Variants in ZDHHC2 observed in about 807,000 individuals in gnomAD.
The protein encoded by ZDHHC2 is zDHHC palmitoyltransferase 2, also known as palmitoyltransferase ZDHHC2.
In ZDHHC2, 51 loss-of-function variants were observed where a neutral mutation model predicts 55.6. The ratio of observed to expected loss-of-function variants is 0.92; its 90% CI spans 0.73 to 1.16. The LOEUF is 1.16. Among genes scored for constraint, ZDHHC2 ranks in the 50% most tolerant of loss-of-function variants. The pLI, the probability that ZDHHC2 is intolerant of heterozygous loss-of-function variation, is 0.00. For missense variants in ZDHHC2, 491 were observed against 442.4 expected (o/e 1.11, Z -0.99); for synonymous variants, 199 against 152.9 (o/e 1.30, Z -2.22).
At chr8:17,184,650 A>T (rs531720542) in intron 1 of ZDHHC2, 139 bp from the exon 2 acceptor site, 1 of 733,846 alleles carries the variant, frequency 1.4e-6, no homozygotes, top group Non-Finnish European at 2.2e-6. Flanking sequence ...CTCTCCTCCA[A>T]ATAAAGTTGA....
chr8:17,157,735 A>G (rs898019876), intron 1 of ZDHHC2, among the ~76,000 whole-genome samples: 1 of 152,250 alleles, frequency 6.6e-6, no homozygotes, highest in South Asian at 2.1e-4. Flanking sequence ...GTTAAAACAG[A>G]AAATGACCTT....
intron 7 of ZDHHC2, among the ~76,000 whole-genome samples, chr8:17,207,516 T>C (rs922003945): frequency 6.6e-6 from 1 of 152,200 alleles, no homozygotes; most frequent in South Asian, 2.1e-4. Flanking sequence ...AAAACATCAA[T>C]AAGGATAGTA....
intron 1 of ZDHHC2, among the ~76,000 whole-genome samples, chr8:17,160,962 G>A (rs1485561417): frequency 6.6e-6 from 1 of 152,198 alleles, no homozygotes; most frequent in South Asian, 2.1e-4. Flanking sequence ...GGTTTTACTC[G>A]CAGTTTTGCT....
chr8:17,199,390 GC>G (rs201667200), intron 6 of ZDHHC2, among the ~76,000 whole-genome samples: 1 of 145,618 alleles, frequency 6.9e-6, no homozygotes, highest in Non-Finnish European at 1.5e-5. Context: ...TCATTCTTTT[GC>G]CCCCCTGCCC....
At chr8:17,190,513 C>T (rs1805963199) in intron 3 of ZDHHC2, among the ~76,000 whole-genome samples, 1 of 152,040 alleles carries the variant, frequency 6.6e-6, no homozygotes, top group South Asian at 2.1e-4. Context: ...GAACTGAAAA[C>T]ATGTGAATTA....
chr8:17,190,951 CTTTTTTTTTTTTT>C (rs10601402), intron 3 of ZDHHC2, among the ~76,000 whole-genome samples: 1 of 52,776 alleles, frequency 1.9e-5, no homozygotes, highest in East Asian at 5.3e-4. Flanking sequence ...CTTATTCATT[CTTTTTTTTTTTTT>C]TTTTTTTTTT....
rs185684201 is a variant in ZDHHC2 at position 17,205,481 on chromosome 8, T to G, written c.477-174T>G. 2.6e-5 allele frequency among the ~76,000 whole-genome samples: 4 copies of G among 152,334 alleles called. No individual in the cohort carries two copies. The East Asian group carries it at 7.7e-4, about 29-fold the overall frequency. ...ATCATGTTTTAAAAATAGAAGCAGA[T>G]TTTTTAGTGAAATGGATTTTTACAT... On this transcript the variant is annotated intron_variant, in intron 6 of 12. Transcript: ENST00000262096.
intron 1 of ZDHHC2, among the ~76,000 whole-genome samples, chr8:17,168,240 G>A (rs927438637): frequency 3.3e-5 from 5 of 152,158 alleles, no homozygotes; most frequent in Non-Finnish European, 7.4e-5. Flanking sequence ...GAGAATCTGG[G>A]GAAACTTGTG....
At chr8:17,210,924 C>T (rs1463896554) in intron 10 of ZDHHC2, among the ~76,000 whole-genome samples, 1 of 152,104 alleles carries the variant, frequency 6.6e-6, no homozygotes, top group Non-Finnish European at 1.5e-5. Context: ...TTCTTGACAA[C>T]TCCATTTTAA....
chr8:17,161,780 A>C (rs1052320312), intron 1 of ZDHHC2, among the ~76,000 whole-genome samples: 13 of 152,144 alleles, frequency 8.5e-5, no homozygotes, highest in African/African-American at 3.1e-4. Context: ...AAATTGCCTG[A>C]ACCGGGGAGG....
intron 1 of ZDHHC2, among the ~76,000 whole-genome samples, chr8:17,184,283 C>G (rs1805591752): frequency 6.6e-6 from 1 of 152,116 alleles, no homozygotes; most frequent in Non-Finnish European, 1.5e-5. Flanking sequence ...CGTTGTGCAA[C>G]AGGGAGCAAG....
chr8:17,193,339 A>G (rs1164267956), intron 3 of ZDHHC2, among the ~76,000 whole-genome samples: 1 of 152,198 alleles, frequency 6.6e-6, no homozygotes, highest in Admixed American at 6.5e-5. Context: ...TCTCTGGATT[A>G]CCAGGCAGCG....
At chr8:17,194,089 A>G (rs1806181981) in intron 3 of ZDHHC2, among the ~76,000 whole-genome samples, 1 of 152,168 alleles carries the variant, frequency 6.6e-6, no homozygotes, top group African/African-American at 2.4e-5. Flanking sequence ...CCTGCAAAGG[A>G]CATGAACTCA....
intron 7 of ZDHHC2, among the ~76,000 whole-genome samples, chr8:17,207,039 C>T (rs537739824): frequency 5.9e-5 from 9 of 152,290 alleles, no homozygotes; most frequent in South Asian, 2.1e-4. Flanking sequence ...CACTGCTCCT[C>T]CTTCCTGTGG....
At position 17,176,384 on chromosome 8, in the gene ZDHHC2, A is replaced by T. The variant is rs149347204; in HGVS notation, c.131-8405A>T. Among the ~76,000 whole-genome samples the T allele has an allele frequency of 4.3e-3, 655 of 152,266 alleles. 5 individuals carry two copies. The highest frequency in any genetic ancestry group is 0.014 in the African/African-American group (584 of 41,538). ...TTGAAGCTACTTATCTGTCCTTGAC[A>T]AAGCAGTTCCTGCTTATTTACTGAT... On this transcript the variant is annotated intron_variant, in intron 1 of 12. Coordinates refer to ENST00000262096, the MANE Select transcript of ZDHHC2 (RefSeq NM_016353.5).
intron 8 of ZDHHC2, among the ~76,000 whole-genome samples, 197 bp from the exon 9 acceptor site, chr8:17,209,735 A>G (rs1807281736): frequency 6.6e-6 from 1 of 152,190 alleles, no homozygotes; most frequent in African/African-American, 2.4e-5. Context: ...TTAAAATTAA[A>G]ATAGGTATAT....
chr8:17,214,278 T>G (rs1171382759), intron 10 of ZDHHC2, among the ~76,000 whole-genome samples: 1 of 152,202 alleles, frequency 6.6e-6, no homozygotes, highest in African/African-American at 2.4e-5. Flanking sequence ...AGACTGCTCA[T>G]TCCCCAGACT....
intron 1 of ZDHHC2, among the ~76,000 whole-genome samples, chr8:17,172,350 G>A (rs965349109): frequency 1.3e-5 from 2 of 152,104 alleles, no homozygotes; most frequent in South Asian, 2.1e-4. Flanking sequence ...TCTCTAACTC[G>A]CTCAAGCACA....
At chr8:17,161,703 A>G (rs375108068) in intron 1 of ZDHHC2, among the ~76,000 whole-genome samples, 2 of 152,058 alleles carry the variant, frequency 1.3e-5, no homozygotes, top group East Asian at 1.9e-4. Context: ...ACCAAAAAAT[A>G]CAAATATTAG....
Sources: allele counts gnomAD v4.1 joint callset (sites outside exome capture counted in the v4.1 genomes callset), GRCh38; gene constraint gnomAD v4.1.1; transcripts MANE v1.5; gene names NCBI Gene and HGNC (gene_info 2026-07-23, HGNC 2026-07-21).